GRIK4: variants seen among roughly 807,000 people sequenced by gnomAD.
GRIK4 encodes the protein glutamate receptor ionotropic, kainate 4.
A neutral mutation model predicts 104.9 loss-of-function variants in GRIK4; 40 were observed. The observed-to-expected ratio is 0.38, with a 90% CI of 0.30 to 0.50. The LOEUF (loss-of-function observed/expected upper bound fraction) is 0.50, where lower values mean the gene tolerates loss of function less well. GRIK4 is among the 20% of genes least tolerant of loss of function. The probability of loss-of-function intolerance (pLI) is 0.93; values close to 1 mark genes in which losing one functional copy is unlikely to be tolerated. For missense variants in GRIK4, 1,047 were observed against 1,308.1 expected (o/e 0.80, Z 3.08); for synonymous variants, 485 against 524.9 (o/e 0.92, Z 1.04).
At chr11:120,556,599 C>T (rs890497888) in intron 1 of GRIK4, among the ~76,000 whole-genome samples, 21 of 152,038 alleles carry the variant, frequency 1.4e-4, no homozygotes, top group African/African-American at 4.1e-4. Flanking sequence ...GGTTTCCTTT[C>T]GGCCCACCTG....
chr11:120,703,616 A>G (rs1950585597), intron 3 of GRIK4, among the ~76,000 whole-genome samples: 1 of 151,798 alleles, frequency 6.6e-6, no homozygotes, highest in Non-Finnish European at 1.5e-5. Flanking sequence ...CCACTTATAA[A>G]TCCTACCGTC....
intron 7 of GRIK4, among the ~76,000 whole-genome samples, chr11:120,833,175 C>T (rs543524838): frequency 6.6e-6 from 1 of 151,672 alleles, no homozygotes; most frequent in East Asian, 1.9e-4. Context: ...TGAGGGCTGT[C>T]CCTTCAGCCC....
intron 6 of GRIK4, among the ~76,000 whole-genome samples, chr11:120,823,982 A>T (rs927744223): frequency 8.5e-5 from 13 of 152,184 alleles, no homozygotes; most frequent in Non-Finnish European, 1.6e-4. Context: ...TGAGGGACCG[A>T]AGGGAAATGC....
chr11:120,881,484 G>A (rs1313567959), intron 11 of GRIK4, among the ~76,000 whole-genome samples: 1 of 152,192 alleles, frequency 6.6e-6, no homozygotes, highest in African/African-American at 2.4e-5. Context: ...CTGACAGCCA[G>A]ACTTTTGTTT....
intron 16 of GRIK4, among the ~76,000 whole-genome samples, chr11:120,959,319 G>C (rs920685063): frequency 6.6e-6 from 1 of 152,180 alleles, no homozygotes; most frequent in Non-Finnish European, 1.5e-5. Flanking sequence ...CACTGAGTCA[G>C]AGGATGCCCC....
chr11:120,572,925 C>G (rs1375914894), intron 1 of GRIK4, among the ~76,000 whole-genome samples: 1 of 152,196 alleles, frequency 6.6e-6, no homozygotes, highest in Non-Finnish European at 1.5e-5. Flanking sequence ...TTAGTAATCT[C>G]TAAATTAGAC....
intron 1 of GRIK4, among the ~76,000 whole-genome samples, chr11:120,636,530 G>A (rs1037844206): frequency 3.3e-5 from 5 of 152,202 alleles, no homozygotes; most frequent in African/African-American, 9.6e-5. Context: ...GGATCAGTTC[G>A]GATTCTTCCC....
intron 2 of GRIK4, among the ~76,000 whole-genome samples, chr11:120,655,674 G>A (rs1949695824): frequency 6.6e-6 from 1 of 152,170 alleles, no homozygotes; most frequent in Non-Finnish European, 1.5e-5. Flanking sequence ...AGCCGGTGGT[G>A]GTGGAGAGAA....
chr11:120,985,960 C>T lies in GRIK4; in HGVS notation c.2571C>T (p.Asp857=). 1 of 1,541,132 alleles carries T rather than the reference C, an allele frequency of 6.5e-7. No individual in the cohort carries two copies. The highest frequency in any genetic ancestry group is 8.7e-7 in the Non-Finnish European group (1 of 1,143,398). The change falls in exon 21 of 21, where the codon GAC becomes GAT. Residue 857 remains aspartate (D), a synonymous_variant. Coordinates refer to ENST00000527524, the MANE Select transcript of GRIK4 (RefSeq NM_014619.5). ...TGCGCAGCATTATCCTGTGTCAGGA[C>T]AGTATCCACCCCCGCCGGCGGCGCG... The part of the protein sequence containing the change: ...TELRSIILCQ[D]SIHPRRRRAA...
intron 3 of GRIK4, among the ~76,000 whole-genome samples, chr11:120,774,986 G>GGT (rs1279522223): frequency 2.6e-5 from 4 of 152,054 alleles, no homozygotes; most frequent in Non-Finnish European, 4.4e-5. Context: ...GGCACAGAGA[G>GGT]GTGTGTGTGT....
intron 3 of GRIK4, among the ~76,000 whole-genome samples, chr11:120,681,090 C>T (rs1320620996): frequency 2.6e-5 from 4 of 152,136 alleles, no homozygotes; most frequent in African/African-American, 9.7e-5. Flanking sequence ...TTACCCCATT[C>T]CTCAGTGCTC....
intron 3 of GRIK4, among the ~76,000 whole-genome samples, chr11:120,756,470 A>G (rs1399466416): frequency 2.0e-5 from 3 of 152,222 alleles, no homozygotes; most frequent in Non-Finnish European, 2.9e-5. Flanking sequence ...CTAGTATCCT[A>G]AAGAAAACCC....
intron 3 of GRIK4, among the ~76,000 whole-genome samples, chr11:120,771,599 G>A (rs1229213242): frequency 6.6e-6 from 1 of 152,220 alleles, no homozygotes; most frequent in African/African-American, 2.4e-5. Flanking sequence ...GAATGAGAAA[G>A]TGTGTTGAGA....
chr11:120,874,645 A>G (rs1028852243), intron 10 of GRIK4, among the ~76,000 whole-genome samples: 1 of 152,196 alleles, frequency 6.6e-6, no homozygotes, highest in Non-Finnish European at 1.5e-5. Flanking sequence ...CTCCCCAGCC[A>G]TGCTTCCTCT....
chr11:120,608,004 C>A (rs114711079), intron 1 of GRIK4, among the ~76,000 whole-genome samples: 2,611 of 152,162 alleles, frequency 0.017, 95 homozygotes, highest in African/African-American at 0.059. Context: ...GAAAAGCTTT[C>A]GCTGGGCAAT....
rs562438232 is a variant in GRIK4 at position 120,905,204 on chromosome 11, C to T, written c.1273-86C>T. On this transcript the variant is annotated intron_variant, in intron 12 of 20. Transcript: ENST00000527524. This position sits in a 1 kb window ranked among gnomAD's most constrained non-coding sequence, Gnocchi z 5.1. ...TCCTTCTGCCCCATGTCCTCCCCGACCCTCTGTGCCCCTGGCCCTCCCCAT... is the reference window on the plus strand; with the variant it reads ...TCCTTCTGCCCCATGTCCTCCCCGATCCTCTGTGCCCCTGGCCCTCCCCAT... The T allele has an allele frequency of 3.9e-4, 368 of 954,984 alleles. No homozygotes were observed. Among genetic ancestry groups the T allele is most frequent in the Admixed American group, 4.4e-4 (26 of 58,878 alleles). The allele number at this position is 954,984 out of a possible 1,614,324, so 59.2% of individuals were successfully genotyped here.
Position 120,862,110 on chromosome 11 carries a change from C to T in GRIK4, c.896C>T (p.Thr299Ile). The T allele has an allele frequency of 6.2e-7, 1 of 1,613,826 alleles. No individual in the cohort carries two copies. The highest frequency in any genetic ancestry group is 8.5e-7 in the Non-Finnish European group (1 of 1,179,886). ...GAGAACTGTGACCATGTGCCCTTCA[C>T]TGGGCCTGCGGTAAGTACCCGCCAG... ...WQENCDHVPF[T>I]GPALSSALLF... Residue 299 changes from threonine to isoleucine, a missense_variant, in exon 9 of 21, where the codon ACT (threonine) becomes ATT (isoleucine). Around this residue, in one of 3 missense-constraint regions of GRIK4, gnomAD observed 447 missense variants for 514.9 expected, o/e 0.87. Transcript: ENST00000527524.
intron 13 of GRIK4, among the ~76,000 whole-genome samples, chr11:120,920,890 T>A (rs186241456): frequency 6.6e-6 from 1 of 152,302 alleles, no homozygotes; most frequent in Non-Finnish European, 1.5e-5. Flanking sequence ...GAAGAACTAA[T>A]CCAGAGTCTA....
intron 3 of GRIK4, among the ~76,000 whole-genome samples, chr11:120,762,837 C>T (rs542217850): frequency 7.8e-4 from 119 of 152,130 alleles, no homozygotes; most frequent in African/African-American, 1.2e-3. Flanking sequence ...GGATTTGGTT[C>T]GTTAGTATTT....
Sources: gnomAD v4.1 joint callset for allele counts (sites outside exome capture counted in the v4.1 genomes callset) on GRCh38, gnomAD v4.1.1 for gene constraint, gnomAD v4.1.1 regional missense constraint, Gnocchi (gnomAD v3.1) non-coding constraint, MANE v1.5 for transcripts, NCBI Gene and HGNC (gene_info 2026-07-23, HGNC 2026-07-21) for gene names.